Variants in NDRG2 observed in about 807,000 individuals in gnomAD.
The protein encoded by NDRG2 is protein NDRG2.
In NDRG2, 34 loss-of-function variants were observed where a neutral mutation model predicts 58.2. The observed-to-expected ratio is 0.58, with a 90% CI of 0.44 to 0.78. The LOEUF (loss-of-function observed/expected upper bound fraction) is 0.78, where lower values mean the gene tolerates loss of function less well. NDRG2 is among the 30% of genes least tolerant of loss of function. The pLI, the probability that NDRG2 is intolerant of heterozygous loss-of-function variation, is 0.00. For missense variants in NDRG2, 434 were observed against 471.2 expected, an observed-to-expected ratio of 0.92 and a Z score of 0.73; for synonymous variants, 187 against 175.9, an observed-to-expected ratio of 1.06 and a Z score of -0.50.
chr14:21,062,397 G>A (rs1886010086), intron 1 of NDRG2, among the ~76,000 whole-genome samples: 1 of 152,170 alleles, frequency 6.6e-6, no homozygotes, highest in African/African-American at 2.4e-5. Context: ...GTGGAACCTG[G>A]ACCTCTGTCT....
chr14:21,025,307 C>G (rs1883321384), upstream of NDRG2: 2 of 964,582 alleles, frequency 2.1e-6, no homozygotes, highest in African/African-American at 3.5e-5. This position sits in a 1 kb window ranked among gnomAD's most constrained non-coding sequence, Gnocchi z 5.1. Context: ...CACCCCCTCC[C>G]CGCATTGGGG....
At chr14:21,032,182 T>A (rs1234907888) in intron 1 of NDRG2, 1 of 1,211,502 alleles carries the variant, frequency 8.3e-7, no homozygotes, top group Non-Finnish European at 1.2e-6. Context: ...AAAATCTCTG[T>A]CTGTGAGGGA....
chr14:21,019,489 C>T, intron 10 of NDRG2, 150 bp downstream of exon 10: 1 of 631,078 alleles, frequency 1.6e-6, no homozygotes, highest in Non-Finnish European at 2.8e-6. Flanking sequence ...CTGACTCTGT[C>T]CTGAAGCTGC....
intron 1 of NDRG2, among the ~76,000 whole-genome samples, chr14:21,045,385 T>C (rs1485345304): frequency 6.6e-6 from 1 of 152,228 alleles, no homozygotes; most frequent in Non-Finnish European, 1.5e-5. Flanking sequence ...AAATGTTACC[T>C]GAAAACAGAA....
At chr14:21,049,169 G>T (rs1163498457) in intron 1 of NDRG2, among the ~76,000 whole-genome samples, 1 of 152,118 alleles carries the variant, frequency 6.6e-6, no homozygotes, top group Non-Finnish European at 1.5e-5. Context: ...TGGAGACAGG[G>T]CTCTAGTGAC....
In NDRG2 at chr14:21,019,165, A is replaced by G. The variant is rs1340346875; in HGVS notation, c.717-5T>C. On this transcript the variant is annotated splice_region_variant and splice_polypyrimidine_tract_variant and intron_variant, in intron 10 of 15. Transcript: ENST00000556147. The stretch of plus-strand genomic sequence containing the variant: ...TCAAAGTTCAGGTCTCGGCGGCTAG[A>G]AAGGGGTTAAAAGAGTAGGAATTTT... 1.9e-6 allele frequency: 3 copies of G among 1,609,006 alleles called. No homozygotes were observed. Among genetic ancestry groups the G allele is most frequent in the Non-Finnish European group, 2.5e-6 (3 of 1,178,546 alleles).
chr14:21,058,090 C>A (rs933664548), intron 1 of NDRG2: 4 of 1,614,154 alleles, frequency 2.5e-6, no homozygotes, highest in African/African-American at 1.3e-5. Flanking sequence ...GGTGCAAAGA[C>A]CTCAACACCT....
At chr14:21,030,581 C>G, upstream of NDRG2, 1 of 1,613,298 alleles carries the variant, frequency 6.2e-7, no homozygotes, top group Non-Finnish European at 8.5e-7. Flanking sequence ...TCTAGCTGAC[C>G]ATGGCATCAG....
intron 1 of NDRG2, among the ~76,000 whole-genome samples, chr14:21,035,598 G>C (rs1884570508): frequency 6.6e-6 from 1 of 152,136 alleles, no homozygotes; most frequent in South Asian, 2.1e-4. Context: ...CAGAAAAGGG[G>C]AGTCAGAACA....
rs555445417 is a variant in NDRG2, at chr14:21,017,673, G to T, written c.1039C>A (p.Arg347Ser). Reference protein sequence around the residue: ...ASVDGNRSRSRTLSQSSESGT... With the variant: ...ASVDGNRSRSSTLSQSSESGT... ...GACTCGCTGCTCTGGGACAGGGTGC[G>T]AGAGCGGGACCGGTTGCCATCAACG... The change falls in exon 16 of 16, where the codon CGC (arginine) becomes AGC (serine). Residue 347 changes from arginine (R) to serine (S), a missense_variant. Coordinates refer to ENST00000556147, the MANE Select transcript of NDRG2 (RefSeq NM_001320329.2). 1.9e-6 allele frequency: 3 copies of T among 1,612,074 alleles called. No homozygotes were observed. The South Asian group carries it at 3.3e-5, about 18-fold the overall frequency.
In NDRG2 at chr14:21,032,129, C is replaced by A. The variant is rs111435290; in HGVS notation, c.25-8808G>T. The A allele has an allele frequency of 6.4e-5, 100 of 1,568,038 alleles. 1 individual carries two copies. In the African/African-American group the frequency reaches 1.1e-3, roughly 17 times the overall value. ...CCCCCTGACCCTGCATGTTTAACAC[C>A]AGGGAGCTTGGAAAACAATAAACAT... On this transcript the variant is annotated intron_variant, in intron 1 of 14. Coordinates refer to the NDRG2 transcript ENST00000403829.
intron 1 of NDRG2, among the ~76,000 whole-genome samples, chr14:21,052,099 G>A (rs1297660456): frequency 2.6e-5 from 4 of 152,268 alleles, no homozygotes; most frequent in African/African-American, 9.6e-5. Context: ...GAACCAGGGG[G>A]CATTTTAGAC....
chr14:21,053,906 T>C (rs1885571638), intron 1 of NDRG2, among the ~76,000 whole-genome samples: 1 of 152,224 alleles, frequency 6.6e-6, no homozygotes, highest in Non-Finnish European at 1.5e-5. Flanking sequence ...TGGGTCCATG[T>C]AAGCTAGTGA....
Position 21,070,863 on chromosome 14 carries a change from A to G in NDRG2, c.-12T>C, listed in dbSNP as rs1401907448. ...CCACCATTTTCCATCCCTGTCCCCA[A>G]CCCGGTGAGGCAGGCCCACCCATCC... On this transcript the variant is annotated 5_prime_UTR_variant, in exon 1 of 15. Coordinates refer to the NDRG2 transcript ENST00000403829. This position sits in a 1 kb window ranked among gnomAD's most constrained non-coding sequence, Gnocchi z 4.7. 3.9e-6 allele frequency: 6 copies of G among 1,535,266 alleles called. No individual in the cohort carries two copies. Among genetic ancestry groups the G allele is most frequent in the African/African-American group, 2.7e-5 (2 of 72,982 alleles).
chr14:21,041,343 A>G (rs1884887272), intron 1 of NDRG2, among the ~76,000 whole-genome samples: 1 of 152,178 alleles, frequency 6.6e-6, no homozygotes, highest in Non-Finnish European at 1.5e-5. Context: ...CTTGACACTT[A>G]GTAGATGCTC....
chr14:21,060,136 A>G (rs1885883028), intron 1 of NDRG2, among the ~76,000 whole-genome samples: 1 of 152,162 alleles, frequency 6.6e-6, no homozygotes, highest in African/African-American at 2.4e-5. Context: ...AGTTTCCTAC[A>G]CAGGCTATGA....
upstream of NDRG2, chr14:21,030,410 C>A (rs1292791221): frequency 3.5e-5 from 23 of 655,032 alleles, 1 homozygote; most frequent in East Asian, 6.1e-4. Flanking sequence ...TGCGTAGGTG[C>A]AATGGGAGCT....
Position 21,017,550 on chromosome 14 carries a change from T to A in NDRG2, c.*46A>T. On this transcript the variant is annotated 3_prime_UTR_variant, in exon 16 of 16. Transcript: ENST00000556147. ...CCTTCAGCACCTCCCAGGTTAGCTC[T>A]GGGGGAGGTGAGGGCTGGGTCCCAC... 6.3e-7 allele frequency: 1 copy of A among 1,587,858 alleles called. No individual in the cohort carries two copies.
intron 1 of NDRG2, among the ~76,000 whole-genome samples, chr14:21,058,787 C>T (rs1284503351): frequency 1.3e-5 from 2 of 152,224 alleles, no homozygotes; most frequent in East Asian, 3.8e-4. Context: ...GGAATCTCTG[C>T]TGTGTTCCCT....
Sources: allele counts gnomAD v4.1 joint callset (sites outside exome capture counted in the v4.1 genomes callset), GRCh38; gene constraint gnomAD v4.1.1; non-coding constraint Gnocchi (gnomAD v3.1); transcripts MANE v1.5; gene names NCBI Gene and HGNC (gene_info 2026-07-23, HGNC 2026-07-21).